NKIRAS1: variants seen among roughly 807,000 people sequenced by gnomAD.
NKIRAS1 encodes NF-kappa-B inhibitor-interacting Ras-like protein 1.
A neutral mutation model predicts 19.8 loss-of-function variants in NKIRAS1; 16 were observed. That is an observed-to-expected ratio of 0.81 (90% CI 0.55 to 1.23). The LOEUF (loss-of-function observed/expected upper bound fraction) is 1.23. NKIRAS1 is among the 50% of genes most tolerant of loss of function. The pLI is 0.00. For synonymous variants in NKIRAS1, 88 were observed against 79.0 expected (o/e 1.11, Z -0.61); for missense variants, 184 against 220.0 (o/e 0.84, Z 1.04).
chr3:23,944,264 G>A (rs997287605), intron 1 of NKIRAS1, among the ~76,000 whole-genome samples: 3 of 152,078 alleles, frequency 2.0e-5, no homozygotes, highest in Non-Finnish European at 2.9e-5. Flanking sequence ...CTGGGGGGTG[G>A]GGAAATAGGG....
intron 3 of NKIRAS1, among the ~76,000 whole-genome samples, chr3:23,906,243 G>C (rs1451967863): frequency 6.6e-6 from 1 of 150,930 alleles, no homozygotes; most frequent in African/African-American, 2.4e-5. Flanking sequence ...AGGACACAGA[G>C]CTCCTGAAAG....
In NKIRAS1 at chr3:23,890,295, C is replaced by G. The variant is rs1338396765; in HGVS notation, c.*2800G>C. ...TGGAATGAACTAAGATAAAGACAGACCAGTACACTAAAGCCTAAGCATTCC... is the reference window on the plus strand; with the variant it reads ...TGGAATGAACTAAGATAAAGACAGAGCAGTACACTAAAGCCTAAGCATTCC... On this transcript the variant is annotated 3_prime_UTR_variant, in exon 5 of 5. Transcript: ENST00000425478. Among the ~76,000 whole-genome samples the G allele has an allele frequency of 6.6e-6, 1 of 152,114 alleles. No individual in the cohort carries two copies. Among genetic ancestry groups the G allele is most frequent in the East Asian group, 1.9e-4 (1 of 5,192 alleles).
chr3:23,946,337 G>A (rs1243815646), exon 1 of NKIRAS1: 5 of 977,750 alleles, frequency 5.1e-6, no homozygotes, highest in Non-Finnish European at 6.1e-6. Context: ...CAGATTCCGA[G>A]GAGGAAGTGC....
intron 1 of NKIRAS1, among the ~76,000 whole-genome samples, chr3:23,938,045 C>A (rs1705428573): frequency 6.6e-6 from 1 of 152,120 alleles, no homozygotes; most frequent in African/African-American, 2.4e-5. Flanking sequence ...ATAAGCTCCT[C>A]AAAAATAGAG....
At chr3:23,918,567 C>A (rs745714508), upstream of NKIRAS1, 5 of 1,613,714 alleles carry the variant, frequency 3.1e-6, no homozygotes, top group East Asian at 6.7e-5. Flanking sequence ...GCCTTCAGTC[C>A]GTTGCAGAGG....
At chr3:23,920,119 G>A, upstream of NKIRAS1, 1 of 985,794 alleles carries the variant, frequency 1.0e-6, no homozygotes, top group South Asian at 4.7e-5. Flanking sequence ...CTTAAGATTG[G>A]TAAGCTAGCA....
chr3:23,917,622 C>T, upstream of NKIRAS1: 1 of 470,650 alleles, frequency 2.1e-6, no homozygotes, highest in South Asian at 2.9e-5. Flanking sequence ...TTAATTCGCC[C>T]CACCAAAACG....
chr3:23,901,110 T>C (rs897461180), intron 3 of NKIRAS1, 61 bp from the exon 4 acceptor site: 1 of 1,561,466 alleles, frequency 6.4e-7, no homozygotes, highest in Admixed American at 2.0e-5. Context: ...CTCCGTATTT[T>C]CTTGTCCTTT....
At position 23,938,508 on chromosome 3, in the gene NKIRAS1, A is replaced by T. The variant is rs562260386; in HGVS notation, c.-140+7815T>A. Among the ~76,000 whole-genome samples the T allele has an allele frequency of 1.1e-3, 166 of 152,296 alleles. No homozygotes were observed. The Middle Eastern group carries it at 0.02, about 19-fold the overall frequency. On this transcript the variant is annotated intron_variant, in intron 1 of 4. Transcript: ENST00000421515. The stretch of plus-strand genomic sequence containing the variant: ...ATTACAGGTGTGAGCCACCATGCCC[A>T]GCCATGTTAAAATTTTAACAAAGTA...
At chr3:23,897,492 G>A (rs1702098392) in intron 4 of NKIRAS1, among the ~76,000 whole-genome samples, 1 of 152,258 alleles carries the variant, frequency 6.6e-6, no homozygotes, top group East Asian at 1.9e-4. Flanking sequence ...GCCATATCAT[G>A]TCATTCCTTT....
At chr3:23,919,593 G>T, upstream of NKIRAS1, 3 of 1,424,658 alleles carry the variant, frequency 2.1e-6, no homozygotes, top group Non-Finnish European at 2.7e-6. Flanking sequence ...AAACTAGTCT[G>T]CAGATGTTTC....
rs557761854 is a variant in NKIRAS1, at chr3:23,938,382, A to T, written c.-140+7941T>A. On this transcript the variant is annotated intron_variant, in intron 1 of 4. Coordinates refer to the NKIRAS1 transcript ENST00000421515. ...GAGCCACCACACCCAACAAATTTTT[A>T]AATTTTTTATAGAGTTGGGGGGTCT... Among the ~76,000 whole-genome samples, 6 of 152,066 alleles carry T rather than the reference A, an allele frequency of 3.9e-5. No individual in the cohort carries two copies. In the South Asian group the frequency reaches 1.0e-3, roughly 26 times the overall value.
At chr3:23,906,999 T>C (rs982128969) in intron 3 of NKIRAS1, among the ~76,000 whole-genome samples, 1 of 152,038 alleles carries the variant, frequency 6.6e-6, no homozygotes. Flanking sequence ...GTTCAAGAGA[T>C]TCTCATGACT....
intron 3 of NKIRAS1, among the ~76,000 whole-genome samples, chr3:23,908,080 CATG>C (rs1292526360): frequency 6.6e-6 from 1 of 152,166 alleles, no homozygotes; most frequent in African/African-American, 2.4e-5. Flanking sequence ...TATCCATCAT[CATG>C]AACTTGACAG....
chr3:23,945,730 C>A (rs1705652861), intron 1 of NKIRAS1: 3 of 595,604 alleles, frequency 5.0e-6, no homozygotes, highest in Non-Finnish European at 6.9e-6. Context: ...CGCGTGTCCG[C>A]CTCTGGCTCG....
chr3:23,945,291 C>G (rs1038493738), intron 1 of NKIRAS1: 6 of 155,316 alleles, frequency 3.9e-5, no homozygotes, highest in African/African-American at 1.4e-4. Flanking sequence ...TCCCCGTCAG[C>G]CGCCCTCGCC....
At chr3:23,929,750 T>A (rs1270930997) in intron 1 of NKIRAS1, among the ~76,000 whole-genome samples, 1 of 152,144 alleles carries the variant, frequency 6.6e-6, no homozygotes, top group Admixed American at 6.6e-5. Context: ...CCTCTATGTT[T>A]CAATGTACTT....
intron 1 of NKIRAS1, among the ~76,000 whole-genome samples, chr3:23,928,237 G>A (rs183443879): frequency 2.0e-5 from 3 of 150,542 alleles, no homozygotes; most frequent in Non-Finnish European, 4.4e-5. Flanking sequence ...TTGCAGTGAG[G>A]CAAGATTGCA....
Position 23,890,441 on chromosome 3 carries a change from T to A in NKIRAS1, c.*2654A>T. 6.7e-7 allele frequency: 1 copy of A among 1,490,868 alleles called. No individual in the cohort carries two copies. The highest frequency in any genetic ancestry group is 9.2e-7 in the Non-Finnish European group (1 of 1,089,492). 92.4% of individuals were successfully genotyped at this position (1,490,868 alleles called of 1,614,324 possible). ...TTGTCGTACGTATCTACCCAAGCTG[T>A]CACTATTCGCTAAAGTTTAAAATGT... On this transcript the variant is annotated 3_prime_UTR_variant, in exon 5 of 5. Coordinates refer to ENST00000425478, the MANE Select transcript of NKIRAS1 (RefSeq NM_020345.4).
Sources: allele counts gnomAD v4.1 joint callset (sites outside exome capture counted in the v4.1 genomes callset), GRCh38; gene constraint gnomAD v4.1.1; transcripts MANE v1.5; gene names NCBI Gene and HGNC (gene_info 2026-07-23, HGNC 2026-07-21).